The following ANKRD24 variants were observed in gnomAD, a reference collection of about 807,000 sequenced individuals.
The protein encoded by ANKRD24 is ankyrin repeat domain-containing protein 24.
ANKRD24 carries 109 observed loss-of-function variants against 127.8 expected under a neutral mutation model. The ratio of observed to expected loss-of-function variants is 0.85; its 90% CI spans 0.73 to 1.00. The LOEUF (loss-of-function observed/expected upper bound fraction) is 1.00, where lower values mean the gene tolerates loss of function less well. Ranked by LOEUF, ANKRD24 falls within the 50% of genes least tolerant of loss-of-function variation. The pLI, the probability that ANKRD24 is intolerant of heterozygous loss-of-function variation, is 0.00. For synonymous variants in ANKRD24, 743 were observed against 671.1 expected (o/e 1.11, Z -1.66); for missense variants, 1,648 against 1,570.2 (o/e 1.05, Z -0.84).
chr19:4,224,187 A>G lies in ANKRD24; in HGVS notation c.3358A>G (p.Ile1120Val). The G allele has an allele frequency of 6.2e-7, 1 of 1,610,896 alleles. No individual in the cohort carries two copies. Among genetic ancestry groups the G allele is most frequent in the Non-Finnish European group, 8.5e-7 (1 of 1,178,852 alleles). ...GTACAGAAGCCACCTCCTATATGCC[A>G]TTCAGGTGAGTGGCCCAGCTCCTGG... Reference protein sequence around the residue: ...ALYRSHLLYAIQGQMDEDVQR... With the variant: ...ALYRSHLLYAVQGQMDEDVQR... Residue 1120 changes from isoleucine to valine, a missense_variant, in exon 21 of 22, where the codon ATT becomes GTT. Physicochemically the swap from Ile to Val is conservative, Grantham distance 29. Transcript: ENST00000318934.
intron 2 of ANKRD24, among the ~76,000 whole-genome samples, chr19:4,191,057 G>A (rs904807489): frequency 4.6e-5 from 7 of 152,170 alleles, no homozygotes; most frequent in South Asian, 4.1e-4. Flanking sequence ...CCTCAGACGG[G>A]TGTGAGGGCC....
rs1161988078 is a variant in ANKRD24, at chr19:4,207,601, A to C, written c.638A>C (p.Gln213Pro). The C allele has an allele frequency of 6.2e-7, 1 of 1,613,212 alleles. No homozygotes were observed. The highest frequency in any genetic ancestry group is 1.1e-5 in the South Asian group (1 of 91,074). ...GCTGCCGCGAACGATCAGGACCTGC[A>C]AGGCAGGTGAGCATCTCCCCTCCCA... is the stretch of plus-strand genomic sequence containing the variant. Reference protein sequence around the residue: ...QGAAANDQDLQGRTALMLACE... With the variant: ...QGAAANDQDLPGRTALMLACE... The change falls in exon 9 of 22, where the codon CAA (glutamine) becomes CCA (proline). Residue 213 changes from glutamine (Q) to proline (P), a missense_variant. Coordinates refer to ENST00000318934, the MANE Select transcript of ANKRD24 (RefSeq NM_001393985.1).
rs1177920153 is a variant in ANKRD24, at chr19:4,198,566, G to A, written c.37-1117G>A. ...CGGGGAGGGGGCGCAGGAGCGGGCG[G>A]GGCGCGGGTACCTCCTCTCCCCTCC... is the stretch of plus-strand genomic sequence containing the variant. On this transcript the variant is annotated intron_variant, in intron 2 of 21. Coordinates refer to ENST00000318934, the MANE Select transcript of ANKRD24 (RefSeq NM_001393985.1). This position sits in a 1 kb window ranked among gnomAD's most constrained non-coding sequence, Gnocchi z 6.1. 2.0e-6 allele frequency: 1 copy of A among 503,376 alleles called. No homozygotes were observed. The highest frequency in any genetic ancestry group is 3.5e-6 in the Non-Finnish European group (1 of 282,998). 31.2% of individuals were successfully genotyped at this position (503,376 alleles called of 1,614,324 possible).
At position 4,217,769 on chromosome 19, in the gene ANKRD24, C is replaced by A. The variant is rs1402114667; in HGVS notation, c.2609C>A (p.Ala870Glu). Reference protein sequence around the residue: ...ARATGEQQRTAAAELGRARDA... With the variant: ...ARATGEQQRTEAAELGRARDA... Reference sequence around the variant, plus strand: ...GCCACGGGGGAGCAGCAGCGCACGGCGGCCGCGGAACTGGGCCGGGCACGG... The same window carrying A: ...GCCACGGGGGAGCAGCAGCGCACGGAGGCCGCGGAACTGGGCCGGGCACGG... The change falls in exon 18 of 22, where the codon GCG becomes GAG. Residue 870 changes from alanine (A) to glutamate (E), a missense_variant. Coordinates refer to ENST00000318934, the MANE Select transcript of ANKRD24 (RefSeq NM_001393985.1). 7.7e-7 allele frequency: 1 copy of A among 1,303,358 alleles called. No individual in the cohort carries two copies. The allele number at this position is 1,303,358 out of a possible 1,614,324, so 80.7% of individuals were successfully genotyped here.
chr19:4,183,865 G>A (rs943532245), intron 1 of ANKRD24, among the ~76,000 whole-genome samples: 1 of 152,220 alleles, frequency 6.6e-6, no homozygotes, highest in Admixed American at 6.5e-5. Context: ...CGGAGATCGC[G>A]CCATTGCACT....
intron 1 of ANKRD24, among the ~76,000 whole-genome samples, 188 bp downstream of exon 1, chr19:4,182,928 G>C (rs1044143437): frequency 4.0e-5 from 6 of 150,576 alleles, no homozygotes; most frequent in African/African-American, 4.9e-5. Flanking sequence ...CAGCCTAAGG[G>C]TTTTGAATGC....
At chr19:4,183,800 G>A (rs866036842) in intron 1 of ANKRD24, among the ~76,000 whole-genome samples, 1 of 152,076 alleles carries the variant, frequency 6.6e-6, no homozygotes, top group Non-Finnish European at 1.5e-5. Context: ...GCAGCTGCTC[G>A]GGAGGCTGAG....
chr19:4,183,289 G>T, intron 1 of ANKRD24: 1 of 986,180 alleles, frequency 1.0e-6, no homozygotes. Flanking sequence ...CAAGTTATCT[G>T]AGTATCATCC....
At chr19:4,216,080 G>C in intron 16 of ANKRD24, 30 bp downstream of exon 16, 20 of 1,566,830 alleles carry the variant, frequency 1.3e-5, no homozygotes, top group Non-Finnish European at 1.7e-5. Context: ...CGCACTCCCA[G>C]CCGCCTTGTC....
Position 4,216,598 on chromosome 19 carries a change from T to C in ANKRD24, c.1438T>C (p.Leu480=). ...CGAGACACAGATGGAAGTGGAAGCT[T>C]TGGCAGAGGTCATCCCTCTTGCCCT... ...KDETQMEVEA[L]AEVIPLALYD... The change falls in exon 18 of 22, where the codon TTG becomes CTG. Residue 480 remains leucine (L), a synonymous_variant. Transcript: ENST00000318934. 1 of 1,611,958 alleles carries C rather than the reference T, an allele frequency of 6.2e-7. No homozygotes were observed. The highest frequency in any genetic ancestry group is 8.5e-7 in the Non-Finnish European group (1 of 1,179,118).
intron 13 of ANKRD24, among the ~76,000 whole-genome samples, chr19:4,210,738 C>T (rs1343458371): frequency 2.6e-5 from 4 of 151,812 alleles, no homozygotes; most frequent in Non-Finnish European, 4.4e-5. Flanking sequence ...CCCATGCCCA[C>T]TTCCCATGCC....
intron 1 of ANKRD24, among the ~76,000 whole-genome samples, chr19:4,182,943 CAG>C (rs1299091035): frequency 2.2e-5 from 3 of 135,016 alleles, no homozygotes; most frequent in East Asian, 2.2e-4. Flanking sequence ...GAATGCCACG[CAG>C]AGTTACCTGA....
intron 2 of ANKRD24, among the ~76,000 whole-genome samples, chr19:4,191,119 T>C (rs1016836719): frequency 2.6e-5 from 4 of 152,194 alleles, no homozygotes. Context: ...TAGCCTGGGC[T>C]GGAACTGTTG....
intron 2 of ANKRD24, 44 bp downstream of exon 2, chr19:4,186,505 A>T (rs1296102335): frequency 1.3e-6 from 2 of 1,570,700 alleles, no homozygotes; most frequent in Non-Finnish European, 1.7e-6. Flanking sequence ...CTGCAACTTC[A>T]GCCTTCTGTC....
chr19:4,221,652 C>T lies in ANKRD24; in HGVS notation c.3172-1018C>T, dbSNP rs951354282. Reference sequence around the variant, plus strand: ...GAGACGAGACACCCAGAGTCCCAGGCGCTTCAGCATAAAGAATGACCCAGC... The same window carrying T: ...GAGACGAGACACCCAGAGTCCCAGGTGCTTCAGCATAAAGAATGACCCAGC... On this transcript the variant is annotated intron_variant, in intron 19 of 21. Coordinates refer to ENST00000318934, the MANE Select transcript of ANKRD24 (RefSeq NM_001393985.1). 2.0e-5 allele frequency among the ~76,000 whole-genome samples: 3 copies of T among 152,144 alleles called. 1 individual carries two copies. The highest frequency in any genetic ancestry group is 1.3e-4 in the Admixed American group (2 of 15,264).
At chr19:4,208,610 C>T (rs1164059910) in intron 10 of ANKRD24, among the ~76,000 whole-genome samples, 154 bp from the exon 11 acceptor site, 1 of 151,956 alleles carries the variant, frequency 6.6e-6, no homozygotes. Flanking sequence ...AGTCCCAAGT[C>T]CCTCTCTCAG....
chr19:4,224,475 G>A lies in ANKRD24; in HGVS notation c.3411G>A (p.Gln1137=). Reference sequence around the variant, plus strand: ...AGCGGATTCTCAGCCAGATTCTGCAGATGCAGAGACTCCAGGCTCAGGGCC... The same window carrying A: ...AGCGGATTCTCAGCCAGATTCTGCAAATGCAGAGACTCCAGGCTCAGGGCC... ...DVQRILSQIL[Q]MQRLQAQGR is the part of the protein sequence containing the mutation. The change falls in exon 22 of 22, where the codon CAG becomes CAA. Residue 1137 remains glutamine (Q), a synonymous_variant. Coordinates refer to ENST00000318934, the MANE Select transcript of ANKRD24 (RefSeq NM_001393985.1). The A allele has an allele frequency of 1.2e-6, 2 of 1,612,374 alleles. No individual in the cohort carries two copies. Among genetic ancestry groups the A allele is most frequent in the Non-Finnish European group, 1.7e-6 (2 of 1,179,352 alleles).
chr19:4,212,827 A>G (rs1286800738), intron 15 of ANKRD24, 129 bp downstream of exon 15: 1 of 839,928 alleles, frequency 1.2e-6, no homozygotes, highest in Admixed American at 2.7e-5. Context: ...CACCAGACAC[A>G]TGCACCCACA....
chr19:4,216,129 G>A, intron 16 of ANKRD24, 79 bp downstream of exon 16: 2 of 1,476,516 alleles, frequency 1.4e-6, no homozygotes, highest in Non-Finnish European at 1.8e-6. Flanking sequence ...GGGTGTGGGG[G>A]AGTTTGAAGC....
Sources: gnomAD v4.1 joint callset for allele counts (sites outside exome capture counted in the v4.1 genomes callset) on GRCh38, gnomAD v4.1.1 for gene constraint, Gnocchi (gnomAD v3.1) non-coding constraint, MANE v1.5 for transcripts, NCBI Gene and HGNC (gene_info 2026-07-23, HGNC 2026-07-21) for gene names.